Variants in WDPCP observed in about 807,000 individuals in gnomAD.
The protein encoded by WDPCP is WD repeat containing planar cell polarity effector.
Under a neutral mutation model 93.1 loss-of-function variants are expected in WDPCP, and 71 were observed. The observed-to-expected ratio is 0.76, with a 90% CI of 0.63 to 0.93. WDPCP has a LOEUF of 0.93. Among genes scored for constraint, WDPCP ranks in the 40% least tolerant of loss-of-function variants. The pLI, the probability that WDPCP is intolerant of heterozygous loss-of-function variation, is 0.00. For missense variants in WDPCP, 844 were observed against 887.4 expected (o/e 0.95, Z 0.62); for synonymous variants, 315 against 315.0 (o/e 1.00, Z 0.00).
chr2:63,717,165 G>A (rs1171628414), intron 2 of WDPCP: 1 of 421,496 alleles, frequency 2.4e-6, no homozygotes, highest in East Asian at 6.0e-5. Flanking sequence ...TGGAAATGAA[G>A]AATGCATCTT....
intron 1 of WDPCP, among the ~76,000 whole-genome samples, chr2:63,526,223 C>T (rs1038013982): frequency 4.7e-4 from 71 of 152,150 alleles, no homozygotes; most frequent in African/African-American, 1.5e-3. Flanking sequence ...TCTACTTTCA[C>T]GTACAGTTGT....
At chr2:63,629,515 G>A (rs1005547931) in intron 3 of WDPCP, among the ~76,000 whole-genome samples, 1 of 152,230 alleles carries the variant, frequency 6.6e-6, no homozygotes, top group African/African-American at 2.4e-5. Context: ...TACATGCTAT[G>A]TGGTATCAGA....
intron 2 of WDPCP, among the ~76,000 whole-genome samples, chr2:63,751,499 TA>T (rs1286583812): frequency 3.3e-5 from 5 of 152,218 alleles, no homozygotes; most frequent in African/African-American, 1.2e-4. Context: ...GTTACACCTT[TA>T]GTCACAAATA....
intron 2 of WDPCP, among the ~76,000 whole-genome samples, chr2:63,756,388 T>C (rs1164178820): frequency 6.6e-6 from 1 of 152,236 alleles, no homozygotes; most frequent in Non-Finnish European, 1.5e-5. Context: ...CCATCAGTTC[T>C]TTGTAATGCA....
Position 63,720,597 on chromosome 2 carries a change from T to C in WDPCP, n.309-69759A>G, listed in dbSNP as rs1429319618. Among the ~76,000 whole-genome samples, 6 of 152,194 alleles carry C rather than the reference T, an allele frequency of 3.9e-5. No homozygotes were observed. In the South Asian group the frequency reaches 8.3e-4, roughly 21 times the overall value. ...CTCCCCATTGATTTTTTTTCCTACA[T>C]AGAAAATAACATTATTAAGTCTAAT... On this transcript the variant is annotated intron_variant and non_coding_transcript_variant, in intron 2 of 4. Transcript: ENST00000467687.
At chr2:63,771,905 C>T (rs565322935) in intron 2 of WDPCP, among the ~76,000 whole-genome samples, 1 of 152,048 alleles carries the variant, frequency 6.6e-6, no homozygotes, top group South Asian at 2.1e-4. Flanking sequence ...GCATAGTATT[C>T]CATTGTGTAT....
At chr2:63,384,299 C>T (rs368447198) in intron 10 of WDPCP, among the ~76,000 whole-genome samples, 12 of 151,938 alleles carry the variant, frequency 7.9e-5, no homozygotes, top group African/African-American at 2.9e-4. Flanking sequence ...GATACAATTA[C>T]CAATATAAGA....
chr2:63,659,938 A>G (rs1710208121), intron 2 of WDPCP, among the ~76,000 whole-genome samples: 1 of 152,110 alleles, frequency 6.6e-6, no homozygotes, highest in South Asian at 2.1e-4. Flanking sequence ...CATTTTAATA[A>G]TCTTTGCAAA....
rs1435408539 is a variant in WDPCP at position 63,575,424 on chromosome 2, TACA to T, written c.75+12770_75+12772del. Among the ~76,000 whole-genome samples the T allele has an allele frequency of 5.9e-4, 63 of 106,468 alleles. 17 individuals are homozygous for T. The highest frequency in any genetic ancestry group is 3.1e-3 in the African/African-American group (62 of 19,690). The allele number at this position is 106,468 out of a possible 152,430, so 69.8% of individuals were successfully genotyped here. On this transcript the variant is annotated intron_variant, in intron 1 of 17. Transcript: ENST00000272321. The stretch of plus-strand genomic sequence containing the variant: ...GTATATATACAGTATATACACTGTA[TACA>T]GTGTATATACAGTGTATACACTGTA...
chr2:63,280,129 T>C (rs541902363), intron 13 of WDPCP, among the ~76,000 whole-genome samples: 10 of 152,082 alleles, frequency 6.6e-5, no homozygotes, highest in African/African-American at 1.7e-4. Context: ...CTAGAATTCA[T>C]ACGGAACCAA....
chr2:63,309,943 GC>G (rs1686052378), intron 13 of WDPCP, among the ~76,000 whole-genome samples: 1 of 152,090 alleles, frequency 6.6e-6, no homozygotes, highest in Admixed American at 6.5e-5. Context: ...AAACTAGGCT[GC>G]CTTGATTCAA....
At chr2:63,773,321 G>T (rs1159028080) in intron 2 of WDPCP, among the ~76,000 whole-genome samples, 1 of 151,972 alleles carries the variant, frequency 6.6e-6, no homozygotes, top group Non-Finnish European at 1.5e-5. Context: ...TATGTTGAAT[G>T]AAAAAGGCCA....
In WDPCP at chr2:63,286,798, T is replaced by C. The variant is rs541667554; in HGVS notation, c.1812+26450A>G. Among the ~76,000 whole-genome samples the C allele has an allele frequency of 1.1e-4, 16 of 152,366 alleles. No homozygotes were observed. In the East Asian group the frequency reaches 3.1e-3, roughly 29 times the overall value. On this transcript the variant is annotated intron_variant, in intron 13 of 17. Transcript: ENST00000272321. ...ATTCTGTGGTTTCTTACCATACCTT[T>C]AACTATTTCCTTTTGATTATTTCCT...
At chr2:63,579,963 G>A (rs767638965) in intron 1 of WDPCP, among the ~76,000 whole-genome samples, 5 of 152,034 alleles carry the variant, frequency 3.3e-5, no homozygotes, top group Non-Finnish European at 5.9e-5. Flanking sequence ...TTGTGGGAGC[G>A]GGCTCCTGAT....
At chr2:63,735,475 G>C (rs1256013800) in intron 2 of WDPCP, among the ~76,000 whole-genome samples, 3 of 152,164 alleles carry the variant, frequency 2.0e-5, no homozygotes, top group Non-Finnish European at 4.4e-5. Context: ...ATGGGAAACA[G>C]GGTTGAGTCA....
chr2:63,195,104 A>AT (rs1481986975), intron 14 of WDPCP, among the ~76,000 whole-genome samples: 1 of 152,010 alleles, frequency 6.6e-6, no homozygotes, highest in African/African-American at 2.4e-5. Context: ...CATTTCAGAA[A>AT]TTTTTTCTTT....
chr2:63,192,235 T>G (rs1225609763), intron 14 of WDPCP, among the ~76,000 whole-genome samples: 2 of 152,208 alleles, frequency 1.3e-5, no homozygotes, highest in African/African-American at 4.8e-5. Flanking sequence ...TTTAACTATC[T>G]GTGATCTTAG....
chr2:63,347,847 A>T (rs1235476037), intron 12 of WDPCP, among the ~76,000 whole-genome samples: 1 of 148,348 alleles, frequency 6.7e-6, no homozygotes, highest in East Asian at 2.1e-4. Flanking sequence ...TATGTTAGGG[A>T]CCTAAACTTC....
chr2:63,530,014 T>G (rs1703702712), intron 1 of WDPCP, among the ~76,000 whole-genome samples: 1 of 152,200 alleles, frequency 6.6e-6, no homozygotes, highest in South Asian at 2.1e-4. Context: ...TCTCTGATGG[T>G]AGTTTGTATT....
Sources: allele counts gnomAD v4.1 joint callset (sites outside exome capture counted in the v4.1 genomes callset), GRCh38; gene constraint gnomAD v4.1.1; transcripts MANE v1.5; gene names NCBI Gene and HGNC (gene_info 2026-07-23, HGNC 2026-07-21).